PHYHD1: variants seen among roughly 807,000 people sequenced by gnomAD.
PHYHD1 encodes phytanoyl-CoA dioxygenase domain-containing protein 1.
In PHYHD1, 42 loss-of-function variants were observed where a neutral mutation model predicts 43.6. That is an observed-to-expected ratio of 0.96 (90% CI 0.75 to 1.25). The LOEUF (loss-of-function observed/expected upper bound fraction) is 1.25. Ranked by LOEUF, PHYHD1 falls within the 50% of genes most tolerant of loss-of-function variation. The pLI is 0.00. For synonymous variants in PHYHD1, 139 were observed against 143.6 expected (o/e 0.97, Z 0.23); for missense variants, 342 against 370.8 (o/e 0.92, Z 0.64).
At chr9:128,929,198 G>T (rs1157555923) in intron 4 of PHYHD1, among the ~76,000 whole-genome samples, 1 of 152,038 alleles carries the variant, frequency 6.6e-6, no homozygotes, top group Non-Finnish European at 1.5e-5. Flanking sequence ...GGGCATGGTG[G>T]TATATGCCTG....
intron 3 of PHYHD1, 24 bp downstream of exon 3, chr9:128,922,380 G>A (rs1841020464): frequency 6.5e-7 from 1 of 1,547,730 alleles, no homozygotes; most frequent in Non-Finnish European, 8.7e-7. Context: ...AGTCGGGGCC[G>A]GGAGGGTCAT....
At chr9:128,937,814 G>A in intron 9 of PHYHD1, 36 bp downstream of exon 9, 1 of 1,614,000 alleles carries the variant, frequency 6.2e-7, no homozygotes, top group South Asian at 1.1e-5. Context: ...AAAAGGCCAT[G>A]GGTGGGACAT....
Position 128,927,160 on chromosome 9 carries a change from A to T in PHYHD1, c.156A>T (p.Glu52Asp). The change falls in exon 4 of 13, where the codon GAA (glutamate) becomes GAT (aspartate). Residue 52 changes from glutamate to aspartate, a missense_variant. Coordinates refer to ENST00000372592, the MANE Select transcript of PHYHD1 (RefSeq NM_001100876.2). ...EMDVPLHCRTEFSTQEEEQLR... is the reference protein window; with the variant it reads ...EMDVPLHCRTDFSTQEEEQLR... The stretch of plus-strand genomic sequence containing the variant: ...ATGTTCCTCTCCACTGCCGCACAGA[A>T]TTCTCCACCCAGGAAGAGGAGCAGC... The T allele has an allele frequency of 2.5e-6, 4 of 1,614,068 alleles. No individual in the cohort carries two copies. Among genetic ancestry groups the T allele is most frequent in the Non-Finnish European group, 3.4e-6 (4 of 1,179,992 alleles).
At chr9:128,923,219 C>T (rs948189406) in intron 3 of PHYHD1, among the ~76,000 whole-genome samples, 4 of 152,202 alleles carry the variant, frequency 2.6e-5, no homozygotes, top group Non-Finnish European at 5.9e-5. Context: ...GCTGGGATTA[C>T]AGGCGTGAGC....
At chr9:128,936,341 A>G in intron 6 of PHYHD1, 107 bp from the exon 7 acceptor site, 1 of 1,462,022 alleles carries the variant, frequency 6.8e-7, no homozygotes, top group Non-Finnish European at 9.3e-7. Context: ...TAATGCCTAC[A>G]AAGTAAGTGA....
chr9:128,936,775 C>A, intron 8 of PHYHD1, 130 bp downstream of exon 8: 1 of 1,093,572 alleles, frequency 9.1e-7, no homozygotes, highest in South Asian at 1.5e-5. Context: ...GAAAATCGGT[C>A]TCCTCTGGCT....
At chr9:128,939,590 A>AT (rs1554826232) in intron 9 of PHYHD1, among the ~76,000 whole-genome samples, 6 of 120,278 alleles carry the variant, frequency 5.0e-5, no homozygotes, top group Admixed American at 2.9e-4. Flanking sequence ...AAAAAAAAAA[A>AT]AATAATAATA....
In PHYHD1 at chr9:128,941,657, A is replaced by G. The variant is rs766143421; in HGVS notation, c.831-11A>G. On this transcript the variant is annotated splice_polypyrimidine_tract_variant and intron_variant, in intron 12 of 12. Transcript: ENST00000372592. ...TGCACCTCAAGGTTGTTTCTCCTCT[A>G]TCCTCTGCAGGCTCCAGCCAACAGC... 3.1e-6 allele frequency: 5 copies of G among 1,614,088 alleles called. No homozygotes were observed. Among genetic ancestry groups the G allele is most frequent in the Non-Finnish European group, 3.4e-6 (4 of 1,179,988 alleles).
chr9:128,938,015 A>C, intron 9 of PHYHD1: 1 of 1,375,782 alleles, frequency 7.3e-7, no homozygotes, highest in Non-Finnish European at 9.5e-7. Context: ...TTAAAAATAT[A>C]GATTTCCTAG....
At chr9:128,938,054 C>T in intron 9 of PHYHD1, 1 of 1,092,636 alleles carries the variant, frequency 9.2e-7, no homozygotes, top group Non-Finnish European at 1.2e-6. Flanking sequence ...TGCCTGTAAT[C>T]CCAGCAATTT....
rs1841538197 is a variant in PHYHD1, at chr9:128,940,732, G to A, written c.703+17G>A. Reference sequence around the variant, plus strand: ...TGCAGAGAGGTAGGCAGATGCAGAGGGCAGAGAGGCAGGGGGCTGAGTCCA... The same window carrying A: ...TGCAGAGAGGTAGGCAGATGCAGAGAGCAGAGAGGCAGGGGGCTGAGTCCA... On this transcript the variant is annotated intron_variant, in intron 11 of 12. Coordinates refer to ENST00000372592, the MANE Select transcript of PHYHD1 (RefSeq NM_001100876.2). The A allele has an allele frequency of 6.2e-7, 1 of 1,610,186 alleles. No homozygotes were observed. The highest frequency in any genetic ancestry group is 8.5e-7 in the Non-Finnish European group (1 of 1,178,228).
At position 128,934,094 on chromosome 9, in the gene PHYHD1, G is replaced by A. The variant is rs148784243; in HGVS notation, c.316+36G>A. The A allele has an allele frequency of 9.5e-3, 15,245 of 1,600,542 alleles. 98 individuals are homozygous for A. Among genetic ancestry groups the A allele is most frequent in the Non-Finnish European group, 0.011 (13,061 of 1,168,386 alleles). On this transcript the variant is annotated intron_variant, in intron 6 of 12. Transcript: ENST00000372592. ...GCTTGGGGGTACAGGAAAGAAGATC[G>A]GGGAACAGGCTGGGAGTGGTGGCTT...
At chr9:128,931,883 G>A (rs1459591194) in intron 4 of PHYHD1, among the ~76,000 whole-genome samples, 4 of 149,918 alleles carry the variant, frequency 2.7e-5, no homozygotes, top group African/African-American at 9.9e-5. Context: ...TGCCCAGACT[G>A]GAGTGCAATG....
chr9:128,932,141 A>C (rs1588250237), intron 4 of PHYHD1, among the ~76,000 whole-genome samples: 1 of 148,334 alleles, frequency 6.7e-6, no homozygotes, highest in East Asian at 2.0e-4. Context: ...GGCCTGGGGA[A>C]GTCAGTTCTA....
At chr9:128,938,972 C>T (rs1841492131) in intron 9 of PHYHD1, among the ~76,000 whole-genome samples, 2 of 130,834 alleles carry the variant, frequency 1.5e-5, no homozygotes, top group African/African-American at 5.0e-5. Context: ...TACGAAGTTC[C>T]CCAAAGGGAT....
chr9:128,937,653 A>C, intron 8 of PHYHD1, 104 bp from the exon 9 acceptor site: 1 of 1,339,570 alleles, frequency 7.5e-7, no homozygotes. Context: ...GAATCCTGAG[A>C]GGAAAATGCC....
chr9:128,929,112 T>C (rs1841209041), intron 4 of PHYHD1, among the ~76,000 whole-genome samples: 1 of 151,902 alleles, frequency 6.6e-6, no homozygotes, highest in South Asian at 2.1e-4. Context: ...GAGGATCGCT[T>C]GAGCCCAGGA....
At chr9:128,926,729 T>A in intron 3 of PHYHD1, 1 of 392,152 alleles carries the variant, frequency 2.6e-6, no homozygotes, top group South Asian at 1.9e-5. Context: ...CAGCTAACCA[T>A]GCCCTGGCTG....
intron 11 of PHYHD1, among the ~76,000 whole-genome samples, chr9:128,941,047 C>A (rs1217540887): frequency 1.3e-5 from 2 of 152,198 alleles, no homozygotes; most frequent in Non-Finnish European, 2.9e-5. Flanking sequence ...TAGTGCATAG[C>A]CACTGCTCAA....
Sources: gnomAD v4.1 joint callset for allele counts (sites outside exome capture counted in the v4.1 genomes callset) on GRCh38, gnomAD v4.1.1 for gene constraint, MANE v1.5 for transcripts, NCBI Gene and HGNC (gene_info 2026-07-23, HGNC 2026-07-21) for gene names.